KCND3: variants seen among roughly 807,000 people sequenced by gnomAD.
KCND3 encodes A-type voltage-gated potassium channel KCND3.
KCND3 carries 9 observed loss-of-function variants against 51.1 expected under a neutral mutation model. The observed-to-expected ratio is 0.18, with a 90% confidence interval of 0.11 to 0.31. The LOEUF (loss-of-function observed/expected upper bound fraction) is 0.31. Ranked by LOEUF, KCND3 falls within the 10% of genes least tolerant of loss-of-function variation. The probability of loss-of-function intolerance (pLI) is 1.00; values close to 1 mark genes in which losing one functional copy is unlikely to be tolerated. For synonymous variants in KCND3, 349 were observed against 368.0 expected, an observed-to-expected ratio of 0.95 and a Z score of 0.59; for missense variants, 526 against 903.8, an observed-to-expected ratio of 0.58 and a Z score of 5.36.
chr1:111,981,598 T>G lies in KCND3; in HGVS notation c.1106+23A>C. 2 of 1,614,004 alleles carry G rather than the reference T, an allele frequency of 1.2e-6. No individual in the cohort carries two copies. The highest frequency in any genetic ancestry group is 1.7e-6 in the Non-Finnish European group (2 of 1,179,952). On this transcript the variant is annotated intron_variant, in intron 2 of 7. Coordinates refer to ENST00000302127, the MANE Select transcript of KCND3 (RefSeq NM_001378969.1). The surrounding 1 kb of genome is among the most constrained non-coding windows in gnomAD (Gnocchi z 6.2). ...GCTGCCCTCCAACCTCCGTCCTGGT[T>G]TCATCCACCAGCGCTGACTTACCCC...
At chr1:111,794,782 T>G (rs1332175443) in intron 2 of KCND3, among the ~76,000 whole-genome samples, 1 of 152,226 alleles carries the variant, frequency 6.6e-6, no homozygotes, top group African/African-American at 2.4e-5. Flanking sequence ...CAAACACCTG[T>G]GCAGCCTCTT....
intron 2 of KCND3, among the ~76,000 whole-genome samples, chr1:111,918,476 A>C (rs898493068): frequency 6.6e-6 from 1 of 152,196 alleles, no homozygotes; most frequent in Admixed American, 6.5e-5. Context: ...AGAGATGAAA[A>C]GACACAGTCC....
At chr1:111,920,984 AG>A (rs1164892469) in intron 2 of KCND3, among the ~76,000 whole-genome samples, 6 of 152,160 alleles carry the variant, frequency 3.9e-5, no homozygotes, top group Non-Finnish European at 7.4e-5. Context: ...GCAATGTGCC[AG>A]GCTTTGTGGT....
At chr1:111,890,373 A>C (rs1402492777) in intron 2 of KCND3, among the ~76,000 whole-genome samples, 1 of 152,198 alleles carries the variant, frequency 6.6e-6, no homozygotes, top group Non-Finnish European at 1.5e-5. Context: ...AGCTGACTCT[A>C]AGGCTTTTGG....
At chr1:111,786,822 T>C (rs747464659) in intron 3 of KCND3, 122 bp downstream of exon 3, 20 of 1,219,810 alleles carry the variant, frequency 1.6e-5, no homozygotes, top group Non-Finnish European at 2.3e-5. Context: ...GAAGCTACCT[T>C]ACCTTGCAAA....
At chr1:111,965,929 G>A (rs1032965869) in intron 2 of KCND3, among the ~76,000 whole-genome samples, 1 of 152,160 alleles carries the variant, frequency 6.6e-6, no homozygotes, top group Non-Finnish European at 1.5e-5. Context: ...TGGGAGCTGG[G>A]TTCCAGGACA....
intron 2 of KCND3, among the ~76,000 whole-genome samples, chr1:111,797,283 A>C (rs1665095920): frequency 6.6e-6 from 1 of 152,218 alleles, no homozygotes; most frequent in Admixed American, 6.5e-5. Context: ...CATAGCAACC[A>C]GCTTCAGACC....
intron 2 of KCND3, among the ~76,000 whole-genome samples, chr1:111,818,945 A>C (rs887684854): frequency 6.6e-6 from 1 of 152,208 alleles, no homozygotes; most frequent in African/African-American, 2.4e-5. Context: ...CTTTTCTCTC[A>C]TCCCTGAGGA....
intron 2 of KCND3, among the ~76,000 whole-genome samples, chr1:111,809,820 T>A (rs1003234059): frequency 6.6e-6 from 1 of 152,094 alleles, no homozygotes; most frequent in African/African-American, 2.4e-5. Context: ...CAAGACAGGG[T>A]CCCCAACCTG....
At chr1:111,932,947 T>G (rs1672050961) in intron 2 of KCND3, among the ~76,000 whole-genome samples, 1 of 152,320 alleles carries the variant, frequency 6.6e-6, no homozygotes, top group African/African-American at 2.4e-5. Context: ...CAAACATTTA[T>G]AGAGTACTGA....
At chr1:111,920,271 G>A (rs887338968) in intron 2 of KCND3, among the ~76,000 whole-genome samples, 13 of 152,306 alleles carry the variant, frequency 8.5e-5, no homozygotes, top group East Asian at 7.7e-4. Flanking sequence ...CCATCTGCAC[G>A]TGAGTCCTGA....
rs1336924522 is a variant in KCND3 at position 111,773,446 on chromosome 1, G to C, written c.*2631C>G. 1 of 137,674 alleles carries C rather than the reference G, an allele frequency of 7.3e-6. No homozygotes were observed. The highest frequency in any genetic ancestry group is 1.5e-5 in the Non-Finnish European group (1 of 65,592). The allele number at this position is 137,674 out of a possible 1,614,324, so 8.5% of individuals were successfully genotyped here. A position where few individuals can be genotyped will look rare whatever the true frequency, so the allele number is the denominator to read the frequency against. On this transcript the variant is annotated 3_prime_UTR_variant, in exon 8 of 8. Coordinates refer to ENST00000302127, the MANE Select transcript of KCND3 (RefSeq NM_001378969.1). Reference sequence around the variant, plus strand: ...TTTTCTTTTTTTTTTTTTTGAGACGGAGTCTTGCTGTGTCACCTGGGCTGG... The same window carrying C: ...TTTTCTTTTTTTTTTTTTTGAGACGCAGTCTTGCTGTGTCACCTGGGCTGG...
intron 3 of KCND3, among the ~76,000 whole-genome samples, chr1:111,786,423 G>C (rs950400000): frequency 6.6e-6 from 1 of 152,190 alleles, no homozygotes; most frequent in Non-Finnish European, 1.5e-5. Context: ...AACTGCAGTT[G>C]ACTTCAGTGC....
chr1:111,894,897 G>A (rs1670022899), intron 2 of KCND3, among the ~76,000 whole-genome samples: 1 of 152,046 alleles, frequency 6.6e-6, no homozygotes, highest in Admixed American at 6.5e-5. Context: ...GGAGGAGGAG[G>A]AAGAGGAAGA....
chr1:111,923,632 A>G (rs1571855627), intron 2 of KCND3, among the ~76,000 whole-genome samples: 1 of 152,176 alleles, frequency 6.6e-6, no homozygotes, highest in East Asian at 1.9e-4. Flanking sequence ...GTGTTATAAC[A>G]CCTGGGTCAA....
At chr1:111,961,141 G>A (rs74109759) in intron 2 of KCND3, among the ~76,000 whole-genome samples, 3 of 152,216 alleles carry the variant, frequency 2.0e-5, no homozygotes, top group Non-Finnish European at 2.9e-5. Flanking sequence ...GCAGCCAGGG[G>A]CTGGCGGCCA....
chr1:111,933,595 G>A (rs888384226), intron 2 of KCND3, among the ~76,000 whole-genome samples: 5 of 152,164 alleles, frequency 3.3e-5, no homozygotes, highest in African/African-American at 1.2e-4. Context: ...GCTCTAAATG[G>A]AGCTGGAGAG....
intron 2 of KCND3, among the ~76,000 whole-genome samples, chr1:111,913,985 G>C (rs1671079338): frequency 6.6e-6 from 1 of 152,044 alleles, no homozygotes; most frequent in African/African-American, 2.4e-5. Flanking sequence ...TCAATCATTA[G>C]AAAATGACTC....
intron 2 of KCND3, among the ~76,000 whole-genome samples, chr1:111,968,470 C>T (rs1300870986): frequency 6.6e-6 from 1 of 152,162 alleles, no homozygotes; most frequent in Non-Finnish European, 1.5e-5. Flanking sequence ...GTCAGAAGAG[C>T]CAGCAGAGGA....
Sources: gnomAD v4.1 joint callset for allele counts (sites outside exome capture counted in the v4.1 genomes callset) on GRCh38, gnomAD v4.1.1 for gene constraint, Gnocchi (gnomAD v3.1) non-coding constraint, MANE v1.5 for transcripts, NCBI Gene and HGNC (gene_info 2026-07-23, HGNC 2026-07-21) for gene names.